The following PPTC7 variants were observed in gnomAD, a reference collection of about 807,000 sequenced individuals.
PPTC7 encodes protein phosphatase targeting COQ7.
PPTC7 carries 6 observed loss-of-function variants against 30.8 expected under a neutral mutation model. The observed-to-expected ratio is 0.19, with a 90% CI of 0.11 to 0.38. The LOEUF is 0.38. PPTC7 is among the 10% of genes least tolerant of loss of function. The probability of loss-of-function intolerance (pLI) is 1.00; values close to 1 mark genes in which losing one functional copy is unlikely to be tolerated. For synonymous variants in PPTC7, 163 were observed against 168.1 expected (o/e 0.97, Z 0.23); for missense variants, 218 against 404.8 (o/e 0.54, Z 3.96).
At chr12:110,559,082 G>A (rs982945850) in intron 1 of PPTC7, among the ~76,000 whole-genome samples, 3 of 152,080 alleles carry the variant, frequency 2.0e-5, no homozygotes, top group Non-Finnish European at 2.9e-5. Context: ...GGAGTGCAGT[G>A]GTGCAAACAC....
At chr12:110,555,173 G>A (rs1424431683) in intron 1 of PPTC7, among the ~76,000 whole-genome samples, 1 of 152,112 alleles carries the variant, frequency 6.6e-6, no homozygotes, top group African/African-American at 2.4e-5. Flanking sequence ...AAAAGAAAGG[G>A]AACACATCGT....
chr12:110,581,174 C>A (rs1204462628), intron 1 of PPTC7, among the ~76,000 whole-genome samples: 2 of 152,068 alleles, frequency 1.3e-5, no homozygotes, highest in Admixed American at 6.6e-5. Flanking sequence ...CTTGGGCGGC[C>A]GAGGCGAACA....
intron 3 of PPTC7, among the ~76,000 whole-genome samples, chr12:110,542,673 CAAAAAAAAAA>C (rs765332697): frequency 1.5e-4 from 4 of 26,776 alleles, no homozygotes; most frequent in South Asian, 1.2e-3. Context: ...GACTCTGTCT[CAAAAAAAAAA>C]AAAAAAAAAA....
intron 1 of PPTC7, among the ~76,000 whole-genome samples, chr12:110,562,783 ACT>A (rs1300151404): frequency 6.7e-6 from 1 of 148,890 alleles, no homozygotes; most frequent in Non-Finnish European, 1.5e-5. Context: ...ACAAAGCGAG[ACT>A]CTGTCTCAAA....
At chr12:110,573,078 C>T (rs1460155767) in intron 1 of PPTC7, among the ~76,000 whole-genome samples, 2 of 152,150 alleles carry the variant, frequency 1.3e-5, no homozygotes, top group Admixed American at 1.3e-4. Context: ...CGGGGTTTCA[C>T]CATGTTGGCC....
chr12:110,536,901 A>C lies in PPTC7; in HGVS notation c.*136T>G. The stretch of plus-strand genomic sequence containing the variant: ...CTCAACAAAGATCTCAACGAGTCTC[A>C]AGAAGACAGGCAAAAGACTTACATC... On this transcript the variant is annotated 3_prime_UTR_variant, in exon 6 of 6. Transcript: ENST00000354300. 1.5e-6 allele frequency: 1 copy of C among 685,390 alleles called. No individual in the cohort carries two copies. The highest frequency in any genetic ancestry group is 2.6e-5 in the East Asian group (1 of 38,912). 42.5% of individuals were successfully genotyped at this position (685,390 alleles called of 1,614,324 possible).
At chr12:110,572,801 C>T (rs1249506405) in intron 1 of PPTC7, among the ~76,000 whole-genome samples, 1 of 152,174 alleles carries the variant, frequency 6.6e-6, no homozygotes, top group Non-Finnish European at 1.5e-5. Context: ...CTGATGAGAG[C>T]AATTTCACCA....
chr12:110,540,149 A>C (rs2064246701), intron 3 of PPTC7, among the ~76,000 whole-genome samples: 1 of 152,218 alleles, frequency 6.6e-6, no homozygotes, highest in Non-Finnish European at 1.5e-5. Context: ...TAAATGTTTC[A>C]AATTTTTAAC....
chr12:110,535,471 A>G lies in PPTC7; in HGVS notation c.*1566T>C, dbSNP rs1451366941. On this transcript the variant is annotated 3_prime_UTR_variant, in exon 6 of 6. Coordinates refer to ENST00000354300, the MANE Select transcript of PPTC7 (RefSeq NM_139283.2). ...TTAAATAAAAGCCTGACAGTTACTCAAATATACAGTACAAATTCACAAAAC... is the reference window on the plus strand; with the variant it reads ...TTAAATAAAAGCCTGACAGTTACTCGAATATACAGTACAAATTCACAAAAC... 6.6e-6 allele frequency: 1 copy of G among 152,638 alleles called. No individual in the cohort carries two copies. Among genetic ancestry groups the G allele is most frequent in the Non-Finnish European group, 1.5e-5 (1 of 68,032 alleles). The allele number at this position is 152,638 out of a possible 1,614,324, so 9.5% of individuals were successfully genotyped here.
At chr12:110,563,122 C>CAA (rs766517371) in intron 1 of PPTC7, among the ~76,000 whole-genome samples, 645 of 43,046 alleles carry the variant, frequency 0.015, 12 homozygotes, top group African/African-American at 0.023. Context: ...GACTCCATCT[C>CAA]AAAAAAAAAA....
intron 1 of PPTC7, among the ~76,000 whole-genome samples, chr12:110,565,407 C>G (rs1376137174): frequency 1.3e-5 from 2 of 151,886 alleles, no homozygotes; most frequent in African/African-American, 4.8e-5. Flanking sequence ...AGGCGCCCAC[C>G]ACCATGCTGG....
chr12:110,552,550 T>C (rs1344282000), intron 1 of PPTC7, among the ~76,000 whole-genome samples: 1 of 152,212 alleles, frequency 6.6e-6, no homozygotes, highest in Non-Finnish European at 1.5e-5. Context: ...GAAGCCCAAC[T>C]TGAGACATGC....
intron 1 of PPTC7, among the ~76,000 whole-genome samples, chr12:110,569,807 T>C (rs887328628): frequency 1.3e-5 from 2 of 152,236 alleles, no homozygotes; most frequent in Non-Finnish European, 2.9e-5. Context: ...CACATGTATA[T>C]TTCCAGTGAA....
intron 1 of PPTC7, among the ~76,000 whole-genome samples, chr12:110,575,117 G>A (rs1322771252): frequency 6.6e-6 from 1 of 151,518 alleles, no homozygotes; most frequent in East Asian, 1.9e-4. Context: ...AATATATGAC[G>A]ACTCCCAAAC....
chr12:110,553,002 T>C (rs772245047), intron 1 of PPTC7, among the ~76,000 whole-genome samples: 3 of 151,960 alleles, frequency 2.0e-5, no homozygotes, highest in South Asian at 4.2e-4. Flanking sequence ...ACCAACATGG[T>C]GAAACCCCGT....
At chr12:110,537,259 A>C (rs1174595760) in intron 5 of PPTC7, among the ~76,000 whole-genome samples, 164 bp from the exon 6 acceptor site, 27 of 152,260 alleles carry the variant, frequency 1.8e-4, no homozygotes, top group South Asian at 4.1e-4. Flanking sequence ...TTAAAAAAAA[A>C]CAGTTAAACA....
intron 1 of PPTC7, among the ~76,000 whole-genome samples, chr12:110,553,236 G>A (rs1436733949): frequency 2.9e-4 from 43 of 150,628 alleles, no homozygotes; most frequent in Admixed American, 2.7e-3. Flanking sequence ...CAACCTCTCC[G>A]CCTCCTGGGT....
In PPTC7 at chr12:110,538,284, G is replaced by A. The variant is rs1235119810; in HGVS notation, c.727-11C>T. 6.8e-6 allele frequency: 11 copies of A among 1,612,028 alleles called. No homozygotes were observed. Among genetic ancestry groups the A allele is most frequent in the Non-Finnish European group, 8.5e-6 (10 of 1,178,396 alleles). On this transcript the variant is annotated splice_polypyrimidine_tract_variant and intron_variant, in intron 4 of 5. Transcript: ENST00000354300. The stretch of plus-strand genomic sequence containing the variant: ...CTCATAATTTGAATTCTAAGATAAA[G>A]CATGAGGAAGTTATTTTACCATAAT...
chr12:110,556,375 T>C (rs923688867), intron 1 of PPTC7, among the ~76,000 whole-genome samples: 1 of 152,186 alleles, frequency 6.6e-6, no homozygotes, highest in Non-Finnish European at 1.5e-5. Context: ...AGAGTTGTAT[T>C]TGGGATGAGA....
Sources: allele counts gnomAD v4.1 joint callset (sites outside exome capture counted in the v4.1 genomes callset), GRCh38; gene constraint gnomAD v4.1.1; transcripts MANE v1.5; gene names NCBI Gene and HGNC (gene_info 2026-07-23, HGNC 2026-07-21).